The following GRIA1 variants were observed in gnomAD, a reference collection of about 807,000 sequenced individuals.
The protein encoded by GRIA1 is glutamate ionotropic receptor AMPA type subunit 1.
GRIA1 carries 31 observed loss-of-function variants against 99.2 expected under a neutral mutation model. That is an observed-to-expected ratio of 0.31 (90% CI 0.23 to 0.42). The LOEUF is 0.42. GRIA1 is among the 10% of genes least tolerant of loss of function. GRIA1 has a pLI of 1.00. For missense variants in GRIA1, 782 were observed against 1,157.5 expected, an observed-to-expected ratio of 0.68 and a Z score of 4.71; for synonymous variants, 438 against 432.4, an observed-to-expected ratio of 1.01 and a Z score of -0.16.
chr5:153,572,073 A>G (rs997143984), intron 2 of GRIA1, among the ~76,000 whole-genome samples: 1 of 152,214 alleles, frequency 6.6e-6, no homozygotes, highest in African/African-American at 2.4e-5. Context: ...GTGGTTGTCT[A>G]ATATATTTCA....
At chr5:153,625,336 G>A (rs1375483730) in intron 2 of GRIA1, among the ~76,000 whole-genome samples, 1 of 152,170 alleles carries the variant, frequency 6.6e-6, no homozygotes, top group Admixed American at 6.5e-5. Context: ...CAGCTATTCA[G>A]CATCCATTTA....
chr5:153,615,571 G>C (rs1337581831), intron 2 of GRIA1, among the ~76,000 whole-genome samples: 2 of 152,184 alleles, frequency 1.3e-5, no homozygotes, highest in Admixed American at 6.5e-5. Flanking sequence ...TTGAGCCCAG[G>C]CGGTCGAGGC....
At chr5:153,493,601 C>T (rs886801181) in intron 1 of GRIA1, among the ~76,000 whole-genome samples, 2 of 152,160 alleles carry the variant, frequency 1.3e-5, no homozygotes, top group Non-Finnish European at 1.5e-5. Flanking sequence ...AAGAGAATAG[C>T]AGCTCCTAGG....
At chr5:153,802,547 C>T in intron 15 of GRIA1, 57 bp downstream of exon 15, 10 of 1,564,886 alleles carry the variant, frequency 6.4e-6, no homozygotes, top group Non-Finnish European at 8.8e-6. Context: ...AGCTGGGTTT[C>T]CTGGGAGTCC....
At chr5:153,724,978 T>C (rs1161934918) in intron 11 of GRIA1, among the ~76,000 whole-genome samples, 1 of 151,822 alleles carries the variant, frequency 6.6e-6, no homozygotes, top group Non-Finnish European at 1.5e-5. Flanking sequence ...AAGGAAAAAA[T>C]GTTAAGGGCA....
chr5:153,492,817 G>A (rs1754052496), intron 1 of GRIA1, among the ~76,000 whole-genome samples: 1 of 151,950 alleles, frequency 6.6e-6, no homozygotes, highest in South Asian at 2.1e-4. Context: ...GCATTAAATT[G>A]TAGAACAAAA....
chr5:153,753,614 T>C (rs1033605089), intron 11 of GRIA1, among the ~76,000 whole-genome samples: 1 of 151,666 alleles, frequency 6.6e-6, no homozygotes, highest in Non-Finnish European at 1.5e-5. Flanking sequence ...TTCCTATTTC[T>C]CCCATCCATT....
chr5:153,726,494 C>G (rs1760540999), intron 11 of GRIA1, among the ~76,000 whole-genome samples: 1 of 150,514 alleles, frequency 6.6e-6, no homozygotes, highest in African/African-American at 2.5e-5. Context: ...AGACCACTAG[C>G]AAGACTAATA....
intron 2 of GRIA1, among the ~76,000 whole-genome samples, chr5:153,631,627 AT>A (rs1752971750): frequency 6.6e-6 from 1 of 152,182 alleles, no homozygotes; most frequent in African/African-American, 2.4e-5. Flanking sequence ...ACTTATATTT[AT>A]TTTATAAGTG....
At chr5:153,581,141 A>G (rs917993665) in intron 2 of GRIA1, among the ~76,000 whole-genome samples, 2 of 152,200 alleles carry the variant, frequency 1.3e-5, no homozygotes, top group African/African-American at 4.8e-5. Context: ...AGAAATCATC[A>G]CTTGTCACAG....
At position 153,705,708 on chromosome 5, in the gene GRIA1, G is replaced by A. The variant is rs369017606; in HGVS notation, c.1464G>A (p.Val488=). The A allele has an allele frequency of 1.3e-5, 8 of 638,280 alleles. No individual in the cohort carries two copies. In the African/African-American group the frequency reaches 1.9e-4, roughly 16 times the overall value. 39.5% of individuals were successfully genotyped at this position (638,280 alleles called of 1,614,324 possible). A position where few individuals can be genotyped will look rare whatever the true frequency, so the allele number is the denominator to read the frequency against. Residue 488 remains valine, a synonymous_variant, in exon 11 of 16, where the codon GTG becomes GTA. Coordinates refer to ENST00000285900, the MANE Select transcript of GRIA1 (RefSeq NM_000827.4). ...VGELVYGRAD[V]AVAPLTITLV... is the part of the protein sequence containing the mutation. ...TTTTTTTTTTTCAGAGAGCAGATGT[G>A]GCTGTGGCTCCCTTAACTATCACTT...
intron 4 of GRIA1, among the ~76,000 whole-genome samples, chr5:153,651,464 T>A (rs1754572047): frequency 6.6e-6 from 1 of 152,204 alleles, no homozygotes; most frequent in Admixed American, 6.5e-5. Flanking sequence ...AGATTCCTTA[T>A]CTTTTTAAAC....
chr5:153,545,818 CCATAG>C (rs1332220862), intron 2 of GRIA1, among the ~76,000 whole-genome samples: 1 of 152,194 alleles, frequency 6.6e-6, no homozygotes, highest in African/African-American at 2.4e-5. Context: ...TAAATGAAGG[CCATAG>C]CTGTATTCCA....
chr5:153,501,136 C>A (rs1382537850), intron 2 of GRIA1, among the ~76,000 whole-genome samples: 2 of 152,180 alleles, frequency 1.3e-5, no homozygotes, highest in Non-Finnish European at 2.9e-5. Context: ...AGGGCGCATT[C>A]TGTATGCAAA....
At chr5:153,723,051 G>A (rs1244328998) in intron 11 of GRIA1, among the ~76,000 whole-genome samples, 5 of 152,134 alleles carry the variant, frequency 3.3e-5, no homozygotes, top group Non-Finnish European at 1.5e-5. Context: ...CCAGAGGAAA[G>A]GCAAAGAAGG....
At chr5:153,508,675 T>C (rs1755768934) in intron 2 of GRIA1, among the ~76,000 whole-genome samples, 1 of 152,242 alleles carries the variant, frequency 6.6e-6, no homozygotes, top group Non-Finnish European at 1.5e-5. Flanking sequence ...CTGTGGCTCC[T>C]CTGTGGAGGA....
In GRIA1 at chr5:153,683,863, G is replaced by T. The variant is rs766839056; in HGVS notation, c.1030-2362G>T. Among the ~76,000 whole-genome samples the T allele has an allele frequency of 7.0e-4, 106 of 152,176 alleles. 1 individual carries two copies. Among genetic ancestry groups the T allele is most frequent in the Non-Finnish European group, 1.9e-4 (13 of 68,032 alleles). ...TCTTGGAGGAGGAAACTAAGAAGCA[G>T]ATAGTTTGAGCAAGGAACCTATGGT... On this transcript the variant is annotated intron_variant, in intron 7 of 15. Coordinates refer to ENST00000285900, the MANE Select transcript of GRIA1 (RefSeq NM_000827.4).
intron 7 of GRIA1, among the ~76,000 whole-genome samples, chr5:153,685,383 A>C (rs1757270251): frequency 6.6e-6 from 1 of 152,168 alleles, no homozygotes; most frequent in African/African-American, 2.4e-5. Flanking sequence ...TATGAATTTG[A>C]AGATAGAAGG....
intron 11 of GRIA1, among the ~76,000 whole-genome samples, chr5:153,723,916 G>A (rs978302208): frequency 1.3e-5 from 2 of 152,192 alleles, no homozygotes; most frequent in African/African-American, 4.8e-5. Context: ...TGCAGCTGGA[G>A]ATCTGAGAAC....
Sources: allele counts gnomAD v4.1 joint callset (sites outside exome capture counted in the v4.1 genomes callset), GRCh38; gene constraint gnomAD v4.1.1; transcripts MANE v1.5; gene names NCBI Gene and HGNC (gene_info 2026-07-23, HGNC 2026-07-21).